DLG2: variants seen among roughly 807,000 people sequenced by gnomAD.
DLG2 encodes discs large MAGUK scaffold protein 2, also known as disks large homolog 2.
In DLG2, 45 loss-of-function variants were observed where a neutral mutation model predicts 132.5. That is an observed-to-expected ratio of 0.34 (90% CI 0.27 to 0.44). The LOEUF (loss-of-function observed/expected upper bound fraction) is 0.44. DLG2 is among the 20% of genes least tolerant of loss of function. The pLI is 1.00. For missense variants in DLG2, 1,045 were observed against 1,196.9 expected (o/e 0.87, Z 1.87); for synonymous variants, 424 against 419.6 (o/e 1.01, Z -0.13).
intron 9 of DLG2, among the ~76,000 whole-genome samples, chr11:84,100,666 T>C (rs1437359488): frequency 6.6e-6 from 1 of 152,042 alleles, no homozygotes; most frequent in Non-Finnish European, 1.5e-5. Flanking sequence ...GCTTACTAAA[T>C]TTATGATCAT....
chr11:84,894,495 C>T (rs993509225), intron 6 of DLG2, among the ~76,000 whole-genome samples: 1 of 152,072 alleles, frequency 6.6e-6, no homozygotes, highest in South Asian at 2.1e-4. Flanking sequence ...CATGTTTACA[C>T]ACACAAACTC....
intron 3 of DLG2, among the ~76,000 whole-genome samples, chr11:85,483,332 A>G (rs970998289): frequency 2.0e-5 from 3 of 152,122 alleles, no homozygotes; most frequent in Non-Finnish European, 4.4e-5. Flanking sequence ...AGTGTAAAAA[A>G]TTTTTTTTAA....
At chr11:84,719,729 G>A (rs2061587092) in intron 6 of DLG2, among the ~76,000 whole-genome samples, 1 of 152,172 alleles carries the variant, frequency 6.6e-6, no homozygotes, top group Non-Finnish European at 1.5e-5. Flanking sequence ...GCCACCTCTT[G>A]ATAAAATTTG....
intron 3 of DLG2, among the ~76,000 whole-genome samples, chr11:85,509,257 C>T (rs187096383): frequency 9.9e-5 from 15 of 152,066 alleles, no homozygotes; most frequent in Admixed American, 2.6e-4. Context: ...CAAAAGATTA[C>T]CTATATGGAA....
At chr11:84,742,134 G>A (rs2064763656) in intron 6 of DLG2, among the ~76,000 whole-genome samples, 1 of 151,884 alleles carries the variant, frequency 6.6e-6, no homozygotes, top group South Asian at 2.1e-4. Context: ...AAAAAAAAAT[G>A]AAGAAAGCCT....
At chr11:84,932,483 T>C (rs555359199) in intron 6 of DLG2, among the ~76,000 whole-genome samples, 4 of 152,216 alleles carry the variant, frequency 2.6e-5, no homozygotes, top group African/African-American at 9.6e-5. Context: ...TTTGTACCTA[T>C]TGACCTGTCC....
intron 7 of DLG2, among the ~76,000 whole-genome samples, chr11:84,420,122 A>C (rs928661631): frequency 1.3e-5 from 2 of 152,218 alleles, no homozygotes; most frequent in African/African-American, 4.8e-5. Context: ...TTGTTCAACC[A>C]AAAGAAAATT....
At chr11:84,891,140 C>T (rs544277064) in intron 6 of DLG2, among the ~76,000 whole-genome samples, 24 of 152,194 alleles carry the variant, frequency 1.6e-4, no homozygotes, top group Middle Eastern at 6.8e-3. Context: ...CTTTGGCATC[C>T]TACCTGTACT....
chr11:83,733,240 C>CA (rs71066061), intron 18 of DLG2, among the ~76,000 whole-genome samples: 17,238 of 44,028 alleles, frequency 0.39, 2,778 homozygotes, highest in African/African-American at 0.46. Flanking sequence ...GACCCCATCT[C>CA]AAAAAAAAAA....
chr11:83,705,536 C>G (rs569939971), intron 18 of DLG2, among the ~76,000 whole-genome samples: 1 of 151,964 alleles, frequency 6.6e-6, no homozygotes, highest in Non-Finnish European at 1.5e-5. Context: ...TTATGAAGAT[C>G]TGTTATTGTG....
Position 85,168,022 on chromosome 11 carries a change from G to A in DLG2, c.187-13371C>T, listed in dbSNP as rs143425264. Among the ~76,000 whole-genome samples, 521 of 152,164 alleles carry A rather than the reference G, an allele frequency of 3.4e-3. 1 individual carries two copies. Among genetic ancestry groups the A allele is most frequent in the Middle Eastern group, 0.014 (4 of 294 alleles). ...GGATTCCTTGAAAAAACTGGGCACA[G>A]ACAAATAAAACTAGGCACAACCTAG... On this transcript the variant is annotated intron_variant, in intron 4 of 27. Transcript: ENST00000376104.
At chr11:83,706,149 C>T (rs1447674561) in intron 18 of DLG2, among the ~76,000 whole-genome samples, 10 of 150,632 alleles carry the variant, frequency 6.6e-5, no homozygotes, top group African/African-American at 2.2e-4. Flanking sequence ...ACCCGGGAGG[C>T]AGAGGTTGCA....
intron 19 of DLG2, among the ~76,000 whole-genome samples, chr11:83,619,993 G>A (rs535329877): frequency 1.3e-5 from 2 of 152,158 alleles, no homozygotes; most frequent in Admixed American, 6.5e-5. Flanking sequence ...CATGTTAGAG[G>A]GCATTAGAAG....
Position 83,848,083 on chromosome 11 carries a change from T to G in DLG2, c.1566-14313A>C, listed in dbSNP as rs116344162. On this transcript the variant is annotated intron_variant, in intron 16 of 27. Coordinates refer to ENST00000376104, the MANE Select transcript of DLG2 (RefSeq NM_001142699.3). ...TTGTCTCTCTAGGTCTCAGTTTAAA[T>G]TGTGCTCTGTGACCACTCCATCTAA... Among the ~76,000 whole-genome samples, 773 of 151,818 alleles carry G rather than the reference T, an allele frequency of 5.1e-3. 8 individuals are homozygous for G. Among genetic ancestry groups the G allele is most frequent in the African/African-American group, 0.018 (729 of 41,404 alleles).
At chr11:85,377,803 A>ATGTGTGTG (rs1555086383) in intron 3 of DLG2, among the ~76,000 whole-genome samples, 2 of 131,292 alleles carry the variant, frequency 1.5e-5, no homozygotes, top group African/African-American at 5.6e-5. Flanking sequence ...ATATATATAT[A>ATGTGTGTG]TGTGTGTGTG....
chr11:85,128,743 A>G (rs1308194402), intron 5 of DLG2, among the ~76,000 whole-genome samples: 2 of 152,172 alleles, frequency 1.3e-5, no homozygotes, highest in Non-Finnish European at 2.9e-5. Context: ...AAACATACGT[A>G]GGGAATTCCA....
chr11:84,053,879 T>C (rs1243165297), intron 11 of DLG2, among the ~76,000 whole-genome samples: 1 of 152,066 alleles, frequency 6.6e-6, no homozygotes, highest in Non-Finnish European at 1.5e-5. Context: ...CAATCTTTAC[T>C]ACATTCTCAG....
rs1204218229 is a variant in DLG2 at position 83,541,864 on chromosome 11, G to A, written c.1941-6C>T. ...TGTCGTAGTCGAACATGGCTCTGGA[G>A]GAAAGGACAAAAGAGGACATTGTTA... On this transcript the variant is annotated splice_region_variant and splice_polypyrimidine_tract_variant and intron_variant, in intron 19 of 27. Coordinates refer to ENST00000376104, the MANE Select transcript of DLG2 (RefSeq NM_001142699.3). 2.5e-6 allele frequency: 4 copies of A among 1,596,578 alleles called. No homozygotes were observed. The highest frequency in any genetic ancestry group is 2.3e-5 in the East Asian group (1 of 44,012).
chr11:84,917,523 C>T (rs1300164706), intron 6 of DLG2, among the ~76,000 whole-genome samples: 1 of 152,076 alleles, frequency 6.6e-6, no homozygotes, highest in East Asian at 1.9e-4. Flanking sequence ...TTTGTGTTCT[C>T]TAAACTTTAG....
Sources: gnomAD v4.1 joint callset for allele counts (sites outside exome capture counted in the v4.1 genomes callset) on GRCh38, gnomAD v4.1.1 for gene constraint, MANE v1.5 for transcripts, NCBI Gene and HGNC (gene_info 2026-07-23, HGNC 2026-07-21) for gene names.